The following ZNF652 variants were observed in gnomAD, a reference collection of about 807,000 sequenced individuals.
ZNF652 encodes zinc finger protein 652.
Under a neutral mutation model 45.2 loss-of-function variants are expected in ZNF652, and 16 were observed. The observed-to-expected ratio is 0.35, with a 90% confidence interval of 0.24 to 0.54. The LOEUF is 0.54. Ranked by LOEUF, ZNF652 falls within the 20% of genes least tolerant of loss-of-function variation. The pLI is 0.91. For missense variants in ZNF652, 614 were observed against 765.6 expected (o/e 0.80, Z 2.34); for synonymous variants, 250 against 260.6 (o/e 0.96, Z 0.39).
rs1298251466 is a variant in ZNF652, at chr17:49,294,452, A to G, written c.*3961T>C. 1 of 152,192 alleles carries G rather than the reference A, an allele frequency of 6.6e-6. No individual in the cohort carries two copies. The highest frequency in any genetic ancestry group is 1.9e-4 in the East Asian group (1 of 5,200). The allele number at this position is 152,192 out of a possible 1,614,324, so 9.4% of individuals were successfully genotyped here. A position where few individuals can be genotyped will look rare whatever the true frequency, so the allele number is the denominator to read the frequency against. ...TGTGGCGATCTCCCCTCTTGCTAAA[A>G]ATAAGAATCCAGTCACAAATATATG... On this transcript the variant is annotated 3_prime_UTR_variant, in exon 6 of 6. Coordinates refer to ENST00000430262, the MANE Select transcript of ZNF652 (RefSeq NM_001145365.3).
In ZNF652 at chr17:49,293,089, AAAC is replaced by A. The variant is rs1333473613; in HGVS notation, c.*5321_*5323del. 6.6e-6 allele frequency among the ~76,000 whole-genome samples: 1 copy of A among 152,210 alleles called. No individual in the cohort carries two copies. The highest frequency in any genetic ancestry group is 1.5e-5 in the Non-Finnish European group (1 of 68,044). ...CTCATGTGTCTGTCATAAAGAAATA[AAAC>A]AACTCCAGGAACCTGTGACCATACA... On this transcript the variant is annotated 3_prime_UTR_variant, in exon 6 of 6. Transcript: ENST00000430262.
At chr17:49,362,269 G>C (rs1002724131), upstream of ZNF652, 3 of 137,528 alleles carry the variant, frequency 2.2e-5, no homozygotes, top group Non-Finnish European at 3.2e-5. Flanking sequence ...GGACGCGCGC[G>C]CCCGCGCGCG....
chr17:49,319,495 T>C (rs1567924323), intron 1 of ZNF652, among the ~76,000 whole-genome samples: 1 of 151,918 alleles, frequency 6.6e-6, no homozygotes, highest in Non-Finnish European at 1.5e-5. Context: ...TAGCTGAGCA[T>C]AGCGGCTCAT....
Position 49,312,716 on chromosome 17 carries a change from C to A in ZNF652, c.1030G>T (p.Val344Leu). The A allele has an allele frequency of 6.2e-7, 1 of 1,613,696 alleles. No individual in the cohort carries two copies. The highest frequency in any genetic ancestry group is 8.5e-7 in the Non-Finnish European group (1 of 1,179,916). Reference protein sequence around the residue: ...CEKKFYTMAHVRKHMVAHTKD... With the variant: ...CEKKFYTMAHLRKHMVAHTKD... ...AACTTACCAACCATGTGTTTCCGCA[C>A]ATGAGCCATGGTATAGAATTTCTTC... The change falls in exon 3 of 6, where the codon GTG (valine) becomes TTG (leucine). Residue 344 changes from valine (V) to leucine (L), a missense_variant. Coordinates refer to ENST00000430262, the MANE Select transcript of ZNF652 (RefSeq NM_001145365.3).
At chr17:49,342,686 C>T (rs1000344944) in intron 1 of ZNF652, among the ~76,000 whole-genome samples, 15 of 151,674 alleles carry the variant, frequency 9.9e-5, no homozygotes, top group Admixed American at 6.6e-5. Context: ...TTACTGGTGA[C>T]CACACGAAAA....
At chr17:49,312,068 CA>C (rs1185117645) in intron 3 of ZNF652, 26 bp from the exon 4 acceptor site, 2 of 1,516,810 alleles carry the variant, frequency 1.3e-6, no homozygotes, top group African/African-American at 1.4e-5. Context: ...TACTTAGTGT[CA>C]AAACAAAATC....
At chr17:49,316,709 T>C (rs1015394327) in intron 2 of ZNF652, 117 bp downstream of exon 2, 51 of 1,075,134 alleles carry the variant, frequency 4.7e-5, no homozygotes, top group Admixed American at 2.1e-4. Context: ...AAATGATAAA[T>C]TGGTGAAAAC....
chr17:49,358,375 T>C (rs1224733581), intron 1 of ZNF652, among the ~76,000 whole-genome samples: 2 of 152,212 alleles, frequency 1.3e-5, no homozygotes, highest in Non-Finnish European at 2.9e-5. Context: ...CCTAAAATGG[T>C]AGCACAAGAC....
rs560891962 is a variant in ZNF652 at position 49,296,876 on chromosome 17, A to G, written c.*1537T>C. 1 of 152,322 alleles carries G rather than the reference A, an allele frequency of 6.6e-6. No homozygotes were observed. The highest frequency in any genetic ancestry group is 1.5e-5 in the Non-Finnish European group (1 of 68,030). The allele number at this position is 152,322 out of a possible 1,614,324, so 9.4% of individuals were successfully genotyped here. On this transcript the variant is annotated 3_prime_UTR_variant, in exon 6 of 6. Transcript: ENST00000430262. ...ATCTGTTAAGTGTAATCAATACACT[A>G]GCCCTTCTGTTCAGCCTTTCCTATA... is the stretch of plus-strand genomic sequence containing the variant.
chr17:49,344,231 G>C (rs117853079), intron 1 of ZNF652, among the ~76,000 whole-genome samples: 8,537 of 151,652 alleles, frequency 0.056, 328 homozygotes, highest in Middle Eastern at 0.14. Context: ...TAGGTATGGT[G>C]GTGCATGCCT....
At chr17:49,339,233 ACT>A in intron 1 of ZNF652, among the ~76,000 whole-genome samples, 1 of 118,848 alleles carries the variant, frequency 8.4e-6, no homozygotes, top group Middle Eastern at 6.0e-3. Flanking sequence ...ACGTAGTCTC[ACT>A]CTGTCGCCTA....
In ZNF652 at chr17:49,320,369, C is replaced by T. The variant is rs28662974; in HGVS notation, c.-258-2386G>A. Reference sequence around the variant, plus strand: ...TACTTGACATTTGAATAGATATATTCCTACTTTCTTGTATTTATAAATGGT... The same window carrying T: ...TACTTGACATTTGAATAGATATATTTCTACTTTCTTGTATTTATAAATGGT... On this transcript the variant is annotated intron_variant, in intron 1 of 5. Transcript: ENST00000430262. 3.3e-5 allele frequency among the ~76,000 whole-genome samples: 5 copies of T among 152,142 alleles called. No homozygotes were observed. The South Asian group carries it at 6.2e-4, about 19-fold the overall frequency.
chr17:49,345,837 T>A (rs2070199351), intron 1 of ZNF652, among the ~76,000 whole-genome samples: 2 of 118,824 alleles, frequency 1.7e-5, no homozygotes, highest in South Asian at 5.7e-4. Flanking sequence ...CGAGACTCCA[T>A]CTCAAAAAAA....
At chr17:49,313,988 AAAAAAAAAAAAAAAAAAAAAAAAAAG>A in intron 2 of ZNF652, among the ~76,000 whole-genome samples, 1 of 80,674 alleles carries the variant, frequency 1.2e-5, no homozygotes, top group Admixed American at 1.4e-4. Context: ...AAAAAAAAAA[AAAAAAAAAAAAAAAAAAAAAAAAAAG>A]AAAAGAAAAG....
At chr17:49,348,479 AAAAAG>A (rs55939949) in intron 1 of ZNF652, among the ~76,000 whole-genome samples, 15,010 of 111,622 alleles carry the variant, frequency 0.13, 1,202 homozygotes, top group Non-Finnish European at 0.16. Flanking sequence ...CCTTGCCTCA[AAAAAG>A]AAAAGAAAAG....
chr17:49,298,019 T>G lies in ZNF652; in HGVS notation c.*394A>C, dbSNP rs1249248263. 5.0e-6 allele frequency: 1 copy of G among 200,524 alleles called. No homozygotes were observed. Among genetic ancestry groups the G allele is most frequent in the Non-Finnish European group, 1.0e-5 (1 of 97,080 alleles). The allele number at this position is 200,524 out of a possible 1,614,324, so 12.4% of individuals were successfully genotyped here. ...CAGTGATACAATTAATGCTCTGGAT[T>G]AATCTCACAGCCTTCCCGATTAGTA... On this transcript the variant is annotated 3_prime_UTR_variant, in exon 6 of 6. Transcript: ENST00000430262.
intron 1 of ZNF652, among the ~76,000 whole-genome samples, chr17:49,338,738 G>T (rs1473661353): frequency 6.6e-6 from 1 of 152,108 alleles, no homozygotes; most frequent in Non-Finnish European, 1.5e-5. Flanking sequence ...CAAACAGAAA[G>T]AATTTACATT....
At position 49,317,597 on chromosome 17, in the gene ZNF652, T is replaced by C; in HGVS notation, c.129A>G (p.Glu43=). 1.2e-6 allele frequency: 2 copies of C among 1,614,140 alleles called. No homozygotes were observed. The highest frequency in any genetic ancestry group is 2.2e-5 in the South Asian group (2 of 91,088). ...PSSFYHGANQ[E]LDLSTKVYKR... ...TGTACACTTTGGTGGACAGGTCAAG[T>C]TCTTGGTTGGCACCATGATAAAAGG... The change falls in exon 2 of 6, where the codon GAA becomes GAG. Residue 43 remains glutamate, a synonymous_variant. Transcript: ENST00000430262.
chr17:49,348,534 G>GAAAAGAA (rs1555552487), intron 1 of ZNF652, among the ~76,000 whole-genome samples: 5 of 125,116 alleles, frequency 4.0e-5, no homozygotes, highest in African/African-American at 1.5e-4. Flanking sequence ...GAAAAGAAAA[G>GAAAAGAA]AAAAGAAAAA....
Sources: gnomAD v4.1 joint callset for allele counts (sites outside exome capture counted in the v4.1 genomes callset) on GRCh38, gnomAD v4.1.1 for gene constraint, MANE v1.5 for transcripts, NCBI Gene and HGNC (gene_info 2026-07-23, HGNC 2026-07-21) for gene names.